The following SPINK5 variants were observed in gnomAD, a reference collection of about 807,000 sequenced individuals.
The protein encoded by SPINK5 is serine protease inhibitor Kazal-type 5.
SPINK5 carries 125 observed loss-of-function variants against 151.8 expected under a neutral mutation model. That is an observed-to-expected ratio of 0.82 (90% CI 0.71 to 0.96). SPINK5 has a LOEUF of 0.96. Among genes scored for constraint, SPINK5 ranks in the 40% least tolerant of loss-of-function variants. The pLI, the probability that SPINK5 is intolerant of heterozygous loss-of-function variation, is 0.00. For synonymous variants in SPINK5, 374 were observed against 395.3 expected (o/e 0.95, Z 0.64); for missense variants, 1,194 against 1,291.9 (o/e 0.92, Z 1.16).
chr5:148,088,864 A>C (rs769816468), intron 6 of SPINK5, among the ~76,000 whole-genome samples: 1 of 151,792 alleles, frequency 6.6e-6, no homozygotes, highest in Non-Finnish European at 1.5e-5. Context: ...AAGAAATAAA[A>C]AGGAAACTAC....
Position 148,097,081 on chromosome 5 carries a change from TTCTC to T in SPINK5, c.883-782_883-779del, listed in dbSNP as rs541325068. Among the ~76,000 whole-genome samples the T allele has an allele frequency of 4.2e-3, 624 of 150,222 alleles. 1 individual carries two copies. The highest frequency in any genetic ancestry group is 6.3e-3 in the Non-Finnish European group (423 of 67,596). ...CTTTCCTTTCTCCTTTTTCTTTTTC[TTCTC>T]TCTATTCTTTTTTCTCTTTTCCTCC... On this transcript the variant is annotated intron_variant, in intron 10 of 32. Transcript: ENST00000256084.
intron 8 of SPINK5, among the ~76,000 whole-genome samples, chr5:148,091,782 AG>A (rs1413502310): frequency 1.3e-5 from 2 of 150,896 alleles, no homozygotes; most frequent in African/African-American, 4.9e-5. Flanking sequence ...AAAAAAAAAA[AG>A]ACAAATTTTT....
intron 7 of SPINK5, 90 bp downstream of exon 7, chr5:148,089,711 A>G (rs1271684703): frequency 1.9e-6 from 3 of 1,585,716 alleles, no homozygotes; most frequent in East Asian, 2.2e-5. Flanking sequence ...AATCCTTTTC[A>G]TGAAGCATGC....
chr5:148,118,979 C>T lies in SPINK5; in HGVS notation c.2241-7C>T. 4 of 1,613,684 alleles carry T rather than the reference C, an allele frequency of 2.5e-6. No individual in the cohort carries two copies. The highest frequency in any genetic ancestry group is 3.4e-6 in the Non-Finnish European group (4 of 1,179,752). On this transcript the variant is annotated splice_region_variant and splice_polypyrimidine_tract_variant and intron_variant, in intron 23 of 32. Coordinates refer to ENST00000256084, the MANE Select transcript of SPINK5 (RefSeq NM_006846.4). ...ACAAGATGAATATTCACTTTTTTCT[C>T]CTCCAGGGAAAGAGAAGCAGAGAGA...
chr5:148,086,981 C>G (rs1458642502), intron 5 of SPINK5, among the ~76,000 whole-genome samples: 1 of 150,360 alleles, frequency 6.7e-6, no homozygotes, highest in Non-Finnish European at 1.5e-5. Context: ...TACACACATA[C>G]ATACATATAT....
intron 17 of SPINK5, among the ~76,000 whole-genome samples, chr5:148,108,003 A>G (rs1753825811): frequency 6.6e-6 from 1 of 152,196 alleles, no homozygotes; most frequent in Non-Finnish European, 1.5e-5. Flanking sequence ...GGATGCATAC[A>G]ATTCCCTAAA....
At chr5:148,097,176 C>T (rs1039376747) in intron 10 of SPINK5, among the ~76,000 whole-genome samples, 2 of 151,242 alleles carry the variant, frequency 1.3e-5, no homozygotes, top group Admixed American at 6.6e-5. Flanking sequence ...TAATCAAATC[C>T]TCCACACATC....
At chr5:148,094,314 A>G (rs758007691) in intron 8 of SPINK5, 40 bp from the exon 9 acceptor site, 21 of 1,604,768 alleles carry the variant, frequency 1.3e-5, no homozygotes, top group Non-Finnish European at 1.8e-5. Flanking sequence ...AATATCCTGA[A>G]ATGAAATGAA....
At chr5:148,120,711 AT>A (rs1754234385) in intron 26 of SPINK5, among the ~76,000 whole-genome samples, 1 of 152,116 alleles carries the variant, frequency 6.6e-6, no homozygotes, top group African/African-American at 2.4e-5. Context: ...AGCTCAAGCA[AT>A]TTGCCGGAGC....
rs1391323132 is a variant in SPINK5, at chr5:148,137,056, C to T, written c.*65C>T. Reference sequence around the variant, plus strand: ...CCAGTTCTGAATCACCTACCTTCACCATCTGTATATACAAAGAATTCTTCG... The same window carrying T: ...CCAGTTCTGAATCACCTACCTTCACTATCTGTATATACAAAGAATTCTTCG... On this transcript the variant is annotated 3_prime_UTR_variant, in exon 33 of 33. Transcript: ENST00000256084. 5 of 1,586,766 alleles carry T rather than the reference C, an allele frequency of 3.2e-6. No homozygotes were observed. The East Asian group carries it at 8.9e-5, about 28-fold the overall frequency.
At chr5:148,083,740 A>G (rs1269223677) in intron 4 of SPINK5, among the ~76,000 whole-genome samples, 1 of 151,412 alleles carries the variant, frequency 6.6e-6, no homozygotes, top group Admixed American at 6.6e-5. Flanking sequence ...AATTATAGAA[A>G]TTGTTCCTTT....
At chr5:148,094,681 C>A (rs545458241) in intron 9 of SPINK5, among the ~76,000 whole-genome samples, 200 bp downstream of exon 9, 15 of 152,034 alleles carry the variant, frequency 9.9e-5, no homozygotes, top group African/African-American at 3.6e-4. Flanking sequence ...AAATGGATTC[C>A]ATTTTCCAGT....
At position 148,137,148 on chromosome 5, in the gene SPINK5, C is replaced by T; in HGVS notation, c.*157C>T. ...GGGAATGGACTCACTGATTTTCAGT[C>T]TTTTCCATCTCTTTCCTCCTAGACT... On this transcript the variant is annotated 3_prime_UTR_variant, in exon 33 of 33. Transcript: ENST00000256084. The T allele has an allele frequency of 2.1e-6, 2 of 942,594 alleles. No homozygotes were observed. The highest frequency in any genetic ancestry group is 3.4e-6 in the Non-Finnish European group (2 of 594,344). 58.4% of individuals were successfully genotyped at this position (942,594 alleles called of 1,614,324 possible). A position where few individuals can be genotyped will look rare whatever the true frequency, so the allele number is the denominator to read the frequency against.
Position 148,064,025 on chromosome 5 carries a change from C to T in SPINK5, c.-20C>T, listed in dbSNP as rs764638538. ...GCAATGCATGGAGTGGACCTGTAGG[C>T]GACTTGCATCGTCTTCAACATGAAG... On this transcript the variant is annotated 5_prime_UTR_variant, in exon 1 of 33. It introduces an in-frame stop codon into an upstream open reading frame of the 5' UTR. Transcript: ENST00000256084. 5.0e-6 allele frequency: 8 copies of T among 1,614,030 alleles called. No homozygotes were observed. Among genetic ancestry groups the T allele is most frequent in the Middle Eastern group, 1.7e-4 (1 of 6,054 alleles).
chr5:148,107,294 A>G, intron 17 of SPINK5, 130 bp downstream of exon 17: 1 of 1,249,246 alleles, frequency 8.0e-7, no homozygotes, highest in South Asian at 1.2e-5. Context: ...GCAGATGGAT[A>G]AGACATTAAG....
intron 3 of SPINK5, among the ~76,000 whole-genome samples, chr5:148,070,804 A>T (rs1752717572): frequency 6.6e-6 from 1 of 152,072 alleles, no homozygotes; most frequent in East Asian, 1.9e-4. Flanking sequence ...GCCTGTTAAG[A>T]CCTGATTCTG....
At chr5:148,121,835 G>A (rs770128440) in intron 26 of SPINK5, among the ~76,000 whole-genome samples, 1 of 151,574 alleles carries the variant, frequency 6.6e-6, no homozygotes, top group African/African-American at 2.4e-5. Context: ...AGGCATGATG[G>A]TGCACACCTG....
At chr5:148,066,397 G>A (rs76245125) in intron 2 of SPINK5, among the ~76,000 whole-genome samples, 5,158 of 152,026 alleles carry the variant, frequency 0.034, 150 homozygotes, top group East Asian at 0.13. Flanking sequence ...CTGAATATGT[G>A]GCAAAATTTG....
intron 23 of SPINK5, among the ~76,000 whole-genome samples, 175 bp from the exon 24 acceptor site, chr5:148,118,811 C>A (rs1316636020): frequency 6.6e-6 from 1 of 152,114 alleles, no homozygotes; most frequent in Admixed American, 6.5e-5. Context: ...TCATGATAGA[C>A]CCTTGTTCTT....
Sources: gnomAD v4.1 joint callset for allele counts (sites outside exome capture counted in the v4.1 genomes callset) on GRCh38, gnomAD v4.1.1 for gene constraint, MANE v1.5 for transcripts, NCBI Gene and HGNC (gene_info 2026-07-23, HGNC 2026-07-21) for gene names.